PCDHGA9: variants seen among roughly 807,000 people sequenced by gnomAD.
PCDHGA9 encodes protocadherin gamma-A9.
PCDHGA9 carries 37 observed loss-of-function variants against 62.5 expected under a neutral mutation model. That is an observed-to-expected ratio of 0.59 (90% CI 0.46 to 0.78). The LOEUF is 0.78. Among genes scored for constraint, PCDHGA9 ranks in the 30% least tolerant of loss-of-function variants. PCDHGA9 has a pLI of 0.00. For missense variants in PCDHGA9, 1,138 were observed against 1,166.2 expected, an observed-to-expected ratio of 0.98 and a Z score of 0.35; for synonymous variants, 459 against 484.6, an observed-to-expected ratio of 0.95 and a Z score of 0.69.
At chr5:141,419,556 C>A (rs202164819) in intron 1 of PCDHGA9, 227 of 1,611,892 alleles carry the variant, frequency 1.4e-4, no homozygotes, top group Non-Finnish European at 8.6e-5. Context: ...CTGTACCCTG[C>A]GCTGGGTCCC....
At chr5:141,444,115 AG>A (rs1206374963) in intron 1 of PCDHGA9, among the ~76,000 whole-genome samples, 3 of 147,326 alleles carry the variant, frequency 2.0e-5, no homozygotes, top group Admixed American at 2.0e-4. Context: ...AGAAAAGTGA[AG>A]TATCTCAACA....
rs17097294 is a variant in PCDHGA9 at position 141,425,513 on chromosome 5, T to G, written c.2424+20137T>G. On this transcript the variant is annotated intron_variant, in intron 1 of 3. Coordinates refer to ENST00000573521, the MANE Select transcript of PCDHGA9 (RefSeq NM_018921.3). ...AGGCTATACCTTTATATTCTCTTTA[T>G]GATGAAACATGAAACAATAATCCTT... Among the ~76,000 whole-genome samples, 699 of 152,380 alleles carry G rather than the reference T, an allele frequency of 4.6e-3. 4 individuals carry two copies. The highest frequency in any genetic ancestry group is 0.015 in the African/African-American group (636 of 41,592).
At position 141,511,574 on chromosome 5, in the gene PCDHGA9, GT is replaced by G. The variant is rs1158598698; in HGVS notation, c.*403del. ...CAGTTCCTCTTTCCCGAGTAAGGTG[GT>G]TGGGGTGTTGAAGTACCAAGTAACC... On this transcript the variant is annotated 3_prime_UTR_variant, in exon 4 of 4. Coordinates refer to ENST00000573521, the MANE Select transcript of PCDHGA9 (RefSeq NM_018921.3). 3.5e-6 allele frequency: 1 copy of G among 287,556 alleles called. No individual in the cohort carries two copies. The highest frequency in any genetic ancestry group is 2.2e-5 in the African/African-American group (1 of 46,340). 17.8% of individuals were successfully genotyped at this position (287,556 alleles called of 1,614,324 possible).
intron 1 of PCDHGA9, chr5:141,428,087 G>A (rs2097108117): frequency 6.2e-7 from 1 of 1,609,106 alleles, no homozygotes; most frequent in Non-Finnish European, 8.5e-7. Context: ...ACAACGCTTG[G>A]CTGTCCTACC....
rs756549446 is a variant in PCDHGA9 at position 141,477,301 on chromosome 5, C to G, written c.2425-17506C>G. 32 of 1,614,042 alleles carry G rather than the reference C, an allele frequency of 2.0e-5. 2 individuals carry two copies. In the South Asian group the frequency reaches 3.4e-4, roughly 17 times the overall value. On this transcript the variant is annotated intron_variant, in intron 1 of 3. Coordinates refer to ENST00000573521, the MANE Select transcript of PCDHGA9 (RefSeq NM_018921.3). The surrounding 1 kb of genome is among the most constrained non-coding windows in gnomAD (Gnocchi z 4.9). The stretch of plus-strand genomic sequence containing the variant: ...TGACCTGCGAAGTTCCACCGGGTCT[C>G]CCTTTCAGCCTTACTTCTTCCCTCA...
intron 1 of PCDHGA9, 117 bp downstream of exon 1, chr5:141,405,493 C>T: frequency 1.2e-6 from 1 of 841,642 alleles, no homozygotes; most frequent in Middle Eastern, 3.1e-4. Flanking sequence ...GATCTCGGCT[C>T]ATTGCAACCT....
At position 141,512,951 on chromosome 5, in the gene PCDHGA9, AATAAT is replaced by A. The variant is rs1231390259; in HGVS notation, c.*1780_*1784del. 2.1e-5 allele frequency: 3 copies of A among 141,994 alleles called. No homozygotes were observed. Among genetic ancestry groups the A allele is most frequent in the Non-Finnish European group, 4.8e-5 (3 of 62,372 alleles). The allele number at this position is 141,994 out of a possible 1,614,324, so 8.8% of individuals were successfully genotyped here. A position where few individuals can be genotyped will look rare whatever the true frequency, so the allele number is the denominator to read the frequency against. On this transcript the variant is annotated 3_prime_UTR_variant, in exon 4 of 4. Coordinates refer to ENST00000573521, the MANE Select transcript of PCDHGA9 (RefSeq NM_018921.3). ...TATGGCTTTTTTTCTTCGACAAAAAAATAATAAAACGTTTCTTCTGAAAAGCTGAA... is the reference window on the plus strand; with the variant it reads ...TATGGCTTTTTTTCTTCGACAAAAAAAAAACGTTTCTTCTGAAAAGCTGAA...
chr5:141,419,926 G>A lies in PCDHGA9; in HGVS notation c.2424+14550G>A. 3 of 1,614,096 alleles carry A rather than the reference G, an allele frequency of 1.9e-6. No homozygotes were observed. In the South Asian group the frequency reaches 3.3e-5, roughly 18 times the overall value. On this transcript the variant is annotated intron_variant, in intron 1 of 3. Transcript: ENST00000573521. ...CCTCTGACTCCCAGGCTGAGATGCA[G>A]TTTTACCTGGTGGTGGCCTTGGCCT... is the stretch of plus-strand genomic sequence containing the variant.
intron 1 of PCDHGA9, among the ~76,000 whole-genome samples, chr5:141,429,386 T>TA (rs1561841076): frequency 9.9e-5 from 15 of 151,936 alleles, no homozygotes; most frequent in South Asian, 8.3e-4. Flanking sequence ...TGTTTTTTTT[T>TA]TAAAAAAAAT....
intron 1 of PCDHGA9, among the ~76,000 whole-genome samples, chr5:141,492,586 G>C (rs1451055991): frequency 6.6e-6 from 1 of 152,220 alleles, no homozygotes; most frequent in Admixed American, 6.5e-5. Context: ...GGGGCCAGGA[G>C]CGCTGGAGCG....
rs201458472 is a variant in PCDHGA9, at chr5:141,403,860, C to A, written c.908C>A (p.Thr303Lys). The A allele has an allele frequency of 6.2e-7, 1 of 1,613,382 alleles. No homozygotes were observed. The highest frequency in any genetic ancestry group is 8.5e-7 in the Non-Finnish European group (1 of 1,179,772). The change falls in exon 1 of 4, where the codon ACA (threonine) becomes AAA (lysine). Residue 303 changes from threonine to lysine, a missense_variant. Coordinates refer to ENST00000573521, the MANE Select transcript of PCDHGA9 (RefSeq NM_018921.3). ...AATGAAAATACTGGGGAAATATCAA[C>A]AGCAAAAAGTCTAGATTATGAAGAA... ...QLNENTGEIS[T>K]AKSLDYEECS...
intron 1 of PCDHGA9, among the ~76,000 whole-genome samples, chr5:141,458,298 A>G (rs2098942125): frequency 6.6e-6 from 1 of 152,178 alleles, no homozygotes; most frequent in African/African-American, 2.4e-5. Context: ...ATGCTGGTTT[A>G]GATAAAATGA....
Position 141,422,179 on chromosome 5 carries a change from A to G in PCDHGA9, c.2424+16803A>G, listed in dbSNP as rs757086661. The G allele has an allele frequency of 2.0e-5, 32 of 1,562,402 alleles. No homozygotes were observed. Among genetic ancestry groups the G allele is most frequent in the Non-Finnish European group, 2.6e-5 (30 of 1,159,048 alleles). ...TTTTGAAAAATATAGATTCTATGAG[A>G]TGGAAATTCAAGGCCAAGATGGTGG... is the stretch of plus-strand genomic sequence containing the variant. On this transcript the variant is annotated intron_variant, in intron 1 of 3. Coordinates refer to ENST00000573521, the MANE Select transcript of PCDHGA9 (RefSeq NM_018921.3).
intron 1 of PCDHGA9, chr5:141,418,454 ACTCTG>A (rs2096260396): frequency 3.1e-6 from 5 of 1,613,892 alleles, no homozygotes; most frequent in Non-Finnish European, 4.2e-6. Context: ...ATTGCAGAAG[ACTCTG>A]GACCGAGAAA....
chr5:141,415,740 G>GTTTTTTTTTT lies in PCDHGA9; in HGVS notation c.2424+10387_2424+10396dup, dbSNP rs57426385. 90 of 625,044 alleles carry GTTTTTTTTTT rather than the reference G, an allele frequency of 1.4e-4. 1 individual carries two copies. The highest frequency in any genetic ancestry group is 4.1e-4 in the East Asian group (6 of 14,742). The allele number at this position is 625,044 out of a possible 1,614,324, so 38.7% of individuals were successfully genotyped here. On this transcript the variant is annotated intron_variant, in intron 1 of 3. Coordinates refer to ENST00000573521, the MANE Select transcript of PCDHGA9 (RefSeq NM_018921.3). ...TGAGTAGAATTTGATGTTTATTAAG[G>GTTTTTTTTTT]TTTTTTTTTTTTTTTTTTTTTTTTT...
intron 1 of PCDHGA9, chr5:141,410,671 C>T: frequency 1.3e-6 from 2 of 1,563,260 alleles, no homozygotes; most frequent in Non-Finnish European, 1.7e-6. Context: ...ACTAGTTTCT[C>T]ATATTTTAGG....
chr5:141,500,894 C>G (rs1221911920), intron 2 of PCDHGA9, among the ~76,000 whole-genome samples: 1 of 150,982 alleles, frequency 6.6e-6, no homozygotes, highest in African/African-American at 2.4e-5. Flanking sequence ...TTTTTTGAGA[C>G]AGTCTCGCTC....
At position 141,404,656 on chromosome 5, in the gene PCDHGA9, C is replaced by A; in HGVS notation, c.1704C>A (p.Pro568=). The change falls in exon 1 of 4, where the codon CCC becomes CCA. Residue 568 remains proline (P), a synonymous_variant. Coordinates refer to ENST00000573521, the MANE Select transcript of PCDHGA9 (RefSeq NM_018921.3). ...CAGAAATCCTGTACCCTGCCCTCCC[C>A]ACTGATGGTTCTACTGGTGTGGAGC... ...NAPEILYPAL[P]TDGSTGVELA... 1 of 1,614,176 alleles carries A rather than the reference C, an allele frequency of 6.2e-7. No homozygotes were observed. Among genetic ancestry groups the A allele is most frequent in the Non-Finnish European group, 8.5e-7 (1 of 1,180,028 alleles).
intron 1 of PCDHGA9, chr5:141,478,072 G>A (rs752905249): frequency 6.2e-7 from 1 of 1,614,048 alleles, no homozygotes; most frequent in Admixed American, 1.7e-5. Flanking sequence ...AAGACAATGG[G>A]GAGCCTTCGC....
Sources: allele counts gnomAD v4.1 joint callset (sites outside exome capture counted in the v4.1 genomes callset), GRCh38; gene constraint gnomAD v4.1.1; non-coding constraint Gnocchi (gnomAD v3.1); transcripts MANE v1.5; gene names NCBI Gene and HGNC (gene_info 2026-07-23, HGNC 2026-07-21).